TNIK: variants seen among roughly 807,000 people sequenced by gnomAD.
The protein encoded by TNIK is TRAF2 and NCK-interacting protein kinase.
A neutral mutation model predicts 191.3 loss-of-function variants in TNIK; 49 were observed. That is an observed-to-expected ratio of 0.26 (90% CI 0.20 to 0.32). TNIK has a LOEUF of 0.32. Among genes scored for constraint, TNIK ranks in the 10% least tolerant of loss-of-function variants. The pLI is 1.00. For missense variants in TNIK, 1,155 were observed against 1,702.3 expected, an observed-to-expected ratio of 0.68 and a Z score of 5.66; for synonymous variants, 594 against 600.9, an observed-to-expected ratio of 0.99 and a Z score of 0.17.
chr3:171,139,566 T>G lies in TNIK; in HGVS notation c.1333-10A>C, dbSNP rs753344422. 9.3e-6 allele frequency: 15 copies of G among 1,613,076 alleles called. No individual in the cohort carries two copies. Among genetic ancestry groups the G allele is most frequent in the South Asian group, 2.2e-5 (2 of 91,036 alleles). ...GTCGCCTGATGTATTCCTGGAGAGGTAGGCAGCAGAGAATTCAGAGGAACA... is the reference window on the plus strand; with the variant it reads ...GTCGCCTGATGTATTCCTGGAGAGGGAGGCAGCAGAGAATTCAGAGGAACA... On this transcript the variant is annotated splice_polypyrimidine_tract_variant and intron_variant, in intron 13 of 32. Transcript: ENST00000436636.
At chr3:171,272,889 T>A (rs983822999) in intron 2 of TNIK, among the ~76,000 whole-genome samples, 1 of 152,240 alleles carries the variant, frequency 6.6e-6, no homozygotes, top group African/African-American at 2.4e-5. Context: ...TGAGGTCAGG[T>A]TTCCCTGATT....
At chr3:171,443,262 T>C (rs1006371050) in intron 1 of TNIK, among the ~76,000 whole-genome samples, 1 of 152,180 alleles carries the variant, frequency 6.6e-6, no homozygotes, top group Non-Finnish European at 1.5e-5. Flanking sequence ...AGAGTATCCA[T>C]GCTCTGAAAG....
intron 2 of TNIK, among the ~76,000 whole-genome samples, chr3:171,342,541 G>C (rs1757645115): frequency 6.6e-6 from 1 of 152,172 alleles, no homozygotes; most frequent in South Asian, 2.1e-4. Context: ...AGGTGTCTCT[G>C]TGGCAAAGGG....
chr3:171,241,483 T>G (rs940355748), intron 2 of TNIK, among the ~76,000 whole-genome samples: 5 of 152,220 alleles, frequency 3.3e-5, no homozygotes, highest in African/African-American at 1.2e-4. Context: ...AACAATAAGA[T>G]ATTGTCTCTC....
chr3:171,360,334 T>A (rs1425104100), intron 2 of TNIK, among the ~76,000 whole-genome samples: 3 of 152,252 alleles, frequency 2.0e-5, no homozygotes, highest in African/African-American at 7.2e-5. Context: ...GCATTCCGTA[T>A]AAATCATTTT....
intron 2 of TNIK, among the ~76,000 whole-genome samples, chr3:171,348,154 T>G (rs1712563537): frequency 6.6e-6 from 1 of 152,180 alleles, no homozygotes. Context: ...AAAGAAAAGC[T>G]TTTCTACTTT....
chr3:171,094,044 T>G (rs945427423), intron 22 of TNIK, 76 bp from the exon 23 acceptor site: 20 of 1,528,798 alleles, frequency 1.3e-5, no homozygotes, highest in East Asian at 7.0e-5. Flanking sequence ...TTCATTATTT[T>G]TGTTATGGTA....
chr3:171,124,287 A>G (rs1046043957), intron 17 of TNIK, among the ~76,000 whole-genome samples: 12 of 152,216 alleles, frequency 7.9e-5, no homozygotes, highest in African/African-American at 2.9e-4. Context: ...TACTAAAACC[A>G]AAAACCAAAA....
intron 1 of TNIK, among the ~76,000 whole-genome samples, chr3:171,426,167 A>C (rs1724544068): frequency 6.6e-6 from 1 of 152,070 alleles, no homozygotes; most frequent in African/African-American, 2.4e-5. Flanking sequence ...AATGTCCAAC[A>C]ATGATAGACT....
chr3:171,104,880 C>G (rs558653361), intron 21 of TNIK, among the ~76,000 whole-genome samples: 1 of 150,924 alleles, frequency 6.6e-6, no homozygotes, highest in African/African-American at 2.5e-5. Context: ...TTTTGATGCC[C>G]ACATACTAAT....
intron 2 of TNIK, among the ~76,000 whole-genome samples, chr3:171,337,971 GGA>G (rs1757126640): frequency 6.6e-6 from 1 of 152,164 alleles, no homozygotes; most frequent in Non-Finnish European, 1.5e-5. Context: ...TAAGCAGAAG[GGA>G]GAGAAGCTGT....
chr3:171,118,391 C>T (rs868594957), intron 18 of TNIK, among the ~76,000 whole-genome samples: 5 of 152,144 alleles, frequency 3.3e-5, no homozygotes, highest in Non-Finnish European at 7.4e-5. Context: ...TCAATGCCAT[C>T]CCCATCAAGC....
intron 2 of TNIK, among the ~76,000 whole-genome samples, chr3:171,243,059 C>A (rs1336207901): frequency 1.3e-5 from 2 of 152,088 alleles, no homozygotes; most frequent in African/African-American, 4.8e-5. Context: ...AGGCTCTAGG[C>A]AAATCTTTTT....
Position 171,222,775 on chromosome 3 carries a change from A to G in TNIK, c.180+5390T>C, listed in dbSNP as rs117491941. On this transcript the variant is annotated intron_variant, in intron 3 of 32. Transcript: ENST00000436636. ...TACAGAAATTCAGTAAGACAGAAAT[A>G]GGAATTCAGTGAAGCAGAGCTTAGC... 1.0e-3 allele frequency among the ~76,000 whole-genome samples: 154 copies of G among 152,310 alleles called. 2 individuals carry two copies. In the East Asian group the frequency reaches 0.014, roughly 14 times the overall value.
rs954660618 is a variant in TNIK at position 171,063,682 on chromosome 3, C to T, written c.*199G>A. The T allele has an allele frequency of 6.1e-6, 3 of 494,272 alleles. No individual in the cohort carries two copies. The highest frequency in any genetic ancestry group is 3.5e-5 in the East Asian group (1 of 28,376). 30.6% of individuals were successfully genotyped at this position (494,272 alleles called of 1,614,324 possible). ...GGGGATCTCCTGGAAATTCCTGCCA[C>T]CTTTTTCTCTCCTTCTCAACCAGGC... On this transcript the variant is annotated 3_prime_UTR_variant, in exon 33 of 33. Transcript: ENST00000436636.
In TNIK at chr3:171,123,621, G is replaced by A; in HGVS notation, c.2095C>T (p.Leu699=). ...PGNGSALGPR[L]GSQPIRASNP... is the part of the protein sequence containing the mutation. ...CTTGCTCTGATGGGTTGAGATCCTA[G>A]TCTGGGTCCCAGAGCACTACCATTC... is the stretch of plus-strand genomic sequence containing the variant. Residue 699 remains leucine (L), a synonymous_variant, in exon 18 of 33, where the codon CTA becomes TTA. Coordinates refer to ENST00000436636, the MANE Select transcript of TNIK (RefSeq NM_015028.4). 1.3e-6 allele frequency: 2 copies of A among 1,570,256 alleles called. No individual in the cohort carries two copies. Among genetic ancestry groups the A allele is most frequent in the Non-Finnish European group, 1.7e-6 (2 of 1,155,476 alleles).
At chr3:171,393,595 G>A (rs577888321) in intron 1 of TNIK, among the ~76,000 whole-genome samples, 7 of 152,282 alleles carry the variant, frequency 4.6e-5, no homozygotes, top group African/African-American at 1.4e-4. Context: ...AGGGAATAAC[G>A]TTACCCTCTC....
At chr3:171,104,628 T>C (rs1420230429) in intron 21 of TNIK, among the ~76,000 whole-genome samples, 1 of 152,098 alleles carries the variant, frequency 6.6e-6, no homozygotes, top group Admixed American at 6.5e-5. Context: ...GGCGCTCTTT[T>C]AGGTCCCTTT....
rs774899822 is a variant in TNIK, at chr3:171,077,069, G to GT, written c.3448+2448dup. On this transcript the variant is annotated intron_variant, in intron 28 of 32. Coordinates refer to ENST00000436636, the MANE Select transcript of TNIK (RefSeq NM_015028.4). Reference sequence around the variant, plus strand: ...ATACCATGGTTACATTTCCTTTCTTGTTCCCCCCCCCCTTTTTTTTTATAC... The same window carrying GT: ...ATACCATGGTTACATTTCCTTTCTTGTTTCCCCCCCCCCTTTTTTTTTATAC... 1.9e-3 allele frequency among the ~76,000 whole-genome samples: 260 copies of GT among 136,488 alleles called. 1 individual carries two copies. The highest frequency in any genetic ancestry group is 7.1e-3 in the African/African-American group (250 of 35,332). 89.5% of individuals were successfully genotyped at this position (136,488 alleles called of 152,430 possible).
Sources: allele counts gnomAD v4.1 joint callset (sites outside exome capture counted in the v4.1 genomes callset), GRCh38; gene constraint gnomAD v4.1.1; transcripts MANE v1.5; gene names NCBI Gene and HGNC (gene_info 2026-07-23, HGNC 2026-07-21).